The following ZFR2 variants were observed in gnomAD, a reference collection of about 807,000 sequenced individuals.
ZFR2 encodes zinc finger RNA-binding protein 2.
A neutral mutation model predicts 105.7 loss-of-function variants in ZFR2; 104 were observed. That is an observed-to-expected ratio of 0.98 (90% CI 0.84 to 1.16). The LOEUF is 1.16. Ranked by LOEUF, ZFR2 falls within the 50% of genes most tolerant of loss-of-function variation. The probability of loss-of-function intolerance (pLI) is 0.00; values close to 1 mark genes in which losing one functional copy is unlikely to be tolerated. For missense variants in ZFR2, 1,425 were observed against 1,355.5 expected (o/e 1.05, Z -0.80); for synonymous variants, 634 against 597.7 (o/e 1.06, Z -0.89).
intron 5 of ZFR2, among the ~76,000 whole-genome samples, chr19:3,830,235 T>C (rs1481766118): frequency 6.6e-6 from 1 of 152,066 alleles, no homozygotes; most frequent in African/African-American, 2.4e-5. Context: ...GCCCAGGAGT[T>C]CGAGACTGGA....
At chr19:3,859,426 TGAC>T (rs2038345392) in intron 1 of ZFR2, among the ~76,000 whole-genome samples, 1 of 152,238 alleles carries the variant, frequency 6.6e-6, no homozygotes, top group South Asian at 2.1e-4. Flanking sequence ...CTTTACCTTG[TGAC>T]CGTGTGAGTC....
intron 16 of ZFR2, 85 bp downstream of exon 16, chr19:3,810,665 G>T (rs1026411075): frequency 7.6e-7 from 1 of 1,310,064 alleles, no homozygotes; most frequent in Non-Finnish European, 1.0e-6. Flanking sequence ...GAGGGAAAAG[G>T]TCTGTCTCTC....
At chr19:3,837,929 A>G (rs1010314141) in intron 1 of ZFR2, among the ~76,000 whole-genome samples, 4 of 152,068 alleles carry the variant, frequency 2.6e-5, no homozygotes, top group South Asian at 2.1e-4. Context: ...CACGATGAAC[A>G]TGACTATGAC....
rs1439419355 is a variant in ZFR2 at position 3,823,762 on chromosome 19, T to A, written c.1214-359A>T. Reference sequence around the variant, plus strand: ...CCCCGTTAGGCGAAATGATGGAGCCTCGGGGGGAGACAAATATCTTTGTTA... The same window carrying A: ...CCCCGTTAGGCGAAATGATGGAGCCACGGGGGGAGACAAATATCTTTGTTA... On this transcript the variant is annotated intron_variant, in intron 7 of 18. Coordinates refer to ENST00000262961, the MANE Select transcript of ZFR2 (RefSeq NM_015174.2). This position sits in a 1 kb window ranked among gnomAD's most constrained non-coding sequence, Gnocchi z 5.4. Among the ~76,000 whole-genome samples, 1 of 152,164 alleles carries A rather than the reference T, an allele frequency of 6.6e-6. No homozygotes were observed. Among genetic ancestry groups the A allele is most frequent in the Non-Finnish European group, 1.5e-5 (1 of 68,030 alleles).
intron 1 of ZFR2, among the ~76,000 whole-genome samples, chr19:3,840,539 A>AT (rs1396359683): frequency 2.0e-5 from 3 of 147,058 alleles, no homozygotes; most frequent in Admixed American, 1.4e-4. Flanking sequence ...GCCTGGCCTG[A>AT]TTGTTTTAGA....
chr19:3,810,121 C>A (rs956009397), intron 16 of ZFR2, among the ~76,000 whole-genome samples: 2 of 152,090 alleles, frequency 1.3e-5, no homozygotes, highest in South Asian at 2.1e-4. Flanking sequence ...CACTCCAGCA[C>A]GGGATGGGGG....
intron 3 of ZFR2, 183 bp downstream of exon 3, chr19:3,833,481 C>A (rs1457498190): frequency 1.2e-5 from 6 of 493,032 alleles, no homozygotes; most frequent in Non-Finnish European, 3.7e-6. Flanking sequence ...GAGGCTGAGG[C>A]AGGAGAATGG....
At chr19:3,826,554 G>C (rs1054639347) in intron 6 of ZFR2, among the ~76,000 whole-genome samples, 14 of 151,898 alleles carry the variant, frequency 9.2e-5, no homozygotes, top group African/African-American at 2.9e-4. Context: ...TCCTGCCTTA[G>C]CCTCCTGAGT....
In ZFR2 at chr19:3,834,642, G is replaced by C. The variant is rs1301622728; in HGVS notation, c.264+131C>G. The C allele has an allele frequency of 9.0e-6, 9 of 997,200 alleles. No homozygotes were observed. Among genetic ancestry groups the C allele is most frequent in the Non-Finnish European group, 1.3e-5 (9 of 666,692 alleles). 61.8% of individuals were successfully genotyped at this position (997,200 alleles called of 1,614,324 possible). A position where few individuals can be genotyped will look rare whatever the true frequency, so the allele number is the denominator to read the frequency against. ...CCACCACGGGTACGCAATGCCAGCA[G>C]AAGGGTCCCGAAGGAAGGATCACGG... On this transcript the variant is annotated intron_variant, in intron 2 of 18. Coordinates refer to ENST00000262961, the MANE Select transcript of ZFR2 (RefSeq NM_015174.2). The surrounding 1 kb of genome is among the most constrained non-coding windows in gnomAD (Gnocchi z 5.3).
intron 1 of ZFR2, among the ~76,000 whole-genome samples, chr19:3,857,651 G>A (rs2038322339): frequency 6.8e-6 from 1 of 148,062 alleles, no homozygotes; most frequent in Non-Finnish European, 1.5e-5. Flanking sequence ...AGCCGAGATT[G>A]CGCCACTGCA....
chr19:3,829,107 G>A (rs1207709689), intron 5 of ZFR2, among the ~76,000 whole-genome samples: 2 of 151,888 alleles, frequency 1.3e-5, no homozygotes, highest in East Asian at 1.9e-4. Context: ...GACTACAGGC[G>A]TCTGCCACCA....
chr19:3,821,368 G>C lies in ZFR2; in HGVS notation c.1603C>G (p.Gln535Glu), dbSNP rs1266578777. 6.2e-7 allele frequency: 1 copy of C among 1,606,078 alleles called. No homozygotes were observed. The highest frequency in any genetic ancestry group is 8.5e-7 in the Non-Finnish European group (1 of 1,177,532). The change falls in exon 10 of 19, where the codon CAG becomes GAG. Residue 535 changes from glutamine to glutamate, a missense_variant. Coordinates refer to ENST00000262961, the MANE Select transcript of ZFR2 (RefSeq NM_015174.2). ...CTCTCCGCGTGCCAGCGCCGCAGCT[G>C]CTCCAGCCGCTCCTCCGCCAGGTGC... ...QRHLAEERLE[Q>E]LRRWHAERRR... is the part of the protein sequence containing the mutation.
intron 1 of ZFR2, among the ~76,000 whole-genome samples, chr19:3,845,515 C>A (rs1485903683): frequency 6.6e-6 from 1 of 150,460 alleles, no homozygotes; most frequent in Admixed American, 6.7e-5. Context: ...CAACATGGTC[C>A]CTACAAGGTC....
intron 13 of ZFR2, among the ~76,000 whole-genome samples, chr19:3,814,220 T>C (rs1403025865): frequency 6.6e-6 from 1 of 152,130 alleles, no homozygotes; most frequent in Admixed American, 6.6e-5. Context: ...AAAGAATACC[T>C]GTAATTCAAT....
intron 1 of ZFR2, chr19:3,852,497 G>C (rs797009121): frequency 5.6e-6 from 4 of 718,500 alleles, no homozygotes; most frequent in African/African-American, 3.5e-5. Flanking sequence ...TGCAGGCAAG[G>C]CCTCTTAAGC....
Position 3,823,167 on chromosome 19 carries a change from C to G in ZFR2, c.1371+79G>C, listed in dbSNP as rs2037913223. 6 of 1,592,932 alleles carry G rather than the reference C, an allele frequency of 3.8e-6. No homozygotes were observed. In the African/African-American group the frequency reaches 8.0e-5, roughly 21 times the overall value. ...GGTCTGTAAATCTCGCTGGGAGAAGCCGGGTGAGGTCTCGAAGCCTGATCC... is the reference window on the plus strand; with the variant it reads ...GGTCTGTAAATCTCGCTGGGAGAAGGCGGGTGAGGTCTCGAAGCCTGATCC... On this transcript the variant is annotated intron_variant, in intron 8 of 18. Transcript: ENST00000262961. This position sits in a 1 kb window ranked among gnomAD's most constrained non-coding sequence, Gnocchi z 5.4.
chr19:3,847,578 T>C (rs78482501), intron 1 of ZFR2, among the ~76,000 whole-genome samples: 1 of 152,098 alleles, frequency 6.6e-6, no homozygotes, highest in African/African-American at 2.4e-5. Context: ...AAAAGAATCA[T>C]ATAGCATAAC....
At chr19:3,865,142 T>TA (rs941960692) in intron 1 of ZFR2, among the ~76,000 whole-genome samples, 2 of 150,900 alleles carry the variant, frequency 1.3e-5, no homozygotes, top group African/African-American at 2.4e-5. Flanking sequence ...ATTCAACTTC[T>TA]AAAAAAAAAT....
At chr19:3,826,457 A>T (rs2037951336) in intron 6 of ZFR2, among the ~76,000 whole-genome samples, 1 of 150,256 alleles carries the variant, frequency 6.7e-6, no homozygotes, top group Non-Finnish European at 1.5e-5. Context: ...TCTTTTGGCG[A>T]CAGAGCCTTG....
Sources: allele counts gnomAD v4.1 joint callset (sites outside exome capture counted in the v4.1 genomes callset), GRCh38; gene constraint gnomAD v4.1.1; non-coding constraint Gnocchi (gnomAD v3.1); transcripts MANE v1.5; gene names NCBI Gene and HGNC (gene_info 2026-07-23, HGNC 2026-07-21).